The following COL25A1 variants were observed in gnomAD, a reference collection of about 807,000 sequenced individuals.
COL25A1 encodes collagen alpha-1(XXV) chain.
COL25A1 carries 103 observed loss-of-function variants against 128.4 expected under a neutral mutation model. The ratio of observed to expected loss-of-function variants is 0.80; its 90% confidence interval spans 0.68 to 0.94. The LOEUF is 0.94. COL25A1 is among the 40% of genes least tolerant of loss of function. COL25A1 has a pLI of 0.00. For missense variants in COL25A1, 745 were observed against 840.0 expected (o/e 0.89, Z 1.40); for synonymous variants, 279 against 277.2 (o/e 1.01, Z -0.06).
chr4:108,917,778 T>C (rs1023645193), intron 13 of COL25A1, among the ~76,000 whole-genome samples: 2 of 152,212 alleles, frequency 1.3e-5, no homozygotes, highest in Non-Finnish European at 2.9e-5. Context: ...TCTATGAGAA[T>C]AACTTTTGTT....
intron 8 of COL25A1, among the ~76,000 whole-genome samples, chr4:108,968,479 T>TC (rs1751564434): frequency 7.4e-6 from 1 of 135,724 alleles, no homozygotes; most frequent in Admixed American, 7.1e-5. Flanking sequence ...TATTGGCCAC[T>TC]CTTTTTTTTT....
chr4:109,132,539 A>C (rs1406611849), intron 3 of COL25A1, among the ~76,000 whole-genome samples: 1 of 152,192 alleles, frequency 6.6e-6, no homozygotes, highest in Non-Finnish European at 1.5e-5. Flanking sequence ...ACCACATTTT[A>C]AATGGATTCT....
chr4:109,195,938 T>G (rs78666449), intron 3 of COL25A1, among the ~76,000 whole-genome samples: 1 of 152,200 alleles, frequency 6.6e-6, no homozygotes, highest in African/African-American at 2.4e-5. Context: ...GCTCCCAGTA[T>G]AGGGACTTCC....
chr4:108,878,450 T>C (rs1739715799), intron 19 of COL25A1, among the ~76,000 whole-genome samples: 1 of 152,178 alleles, frequency 6.6e-6, no homozygotes, highest in Non-Finnish European at 1.5e-5. Context: ...ATAATATTCC[T>C]CTTGCTTAAA....
At position 108,822,043 on chromosome 4, in the gene COL25A1, A is replaced by ATTTTTTTTTTT. The variant is rs10567518; in HGVS notation, c.1845+2120_1845+2130dup. Among the ~76,000 whole-genome samples the ATTTTTTTTTTT allele has an allele frequency of 0.011, 1,009 of 89,726 alleles. 100 individuals are homozygous for ATTTTTTTTTTT. Among genetic ancestry groups the ATTTTTTTTTTT allele is most frequent in the African/African-American group, 0.037 (864 of 23,558 alleles). The allele number at this position is 89,726 out of a possible 152,430, so 58.9% of individuals were successfully genotyped here. A position where few individuals can be genotyped will look rare whatever the true frequency, so the allele number is the denominator to read the frequency against. Reference sequence around the variant, plus strand: ...AAACGTGAGTATCCTCCTAATGGTAATTTTTTTTTTTTTTTTTGGGACAGG... The same window carrying ATTTTTTTTTTT: ...AAACGTGAGTATCCTCCTAATGGTAATTTTTTTTTTTTTTTTTTTTTTTTTTTTGGGACAGG... On this transcript the variant is annotated intron_variant, in intron 35 of 37. Coordinates refer to ENST00000399132, the MANE Select transcript of COL25A1 (RefSeq NM_198721.4).
At chr4:109,124,958 T>G (rs756942195) in intron 3 of COL25A1, among the ~76,000 whole-genome samples, 1 of 152,066 alleles carries the variant, frequency 6.6e-6, no homozygotes, top group Non-Finnish European at 1.5e-5. Context: ...AAGCTTGAAA[T>G]AATCTATTTG....
intron 5 of COL25A1, among the ~76,000 whole-genome samples, chr4:109,012,024 TTC>T (rs1473292733): frequency 3.3e-5 from 5 of 152,248 alleles, no homozygotes; most frequent in Admixed American, 3.3e-4. Context: ...TTTTTGTTTG[TTC>T]ATTTGTTATA....
At position 108,849,840 on chromosome 4, in the gene COL25A1, T is replaced by C. The variant is rs897277876; in HGVS notation, c.1390-1037A>G. The stretch of plus-strand genomic sequence containing the variant: ...TTGAAATGGTTAGAGCTCCTTTCCC[T>C]GGTAAAAACTTTAAGAGCTATGAGG... On this transcript the variant is annotated intron_variant, in intron 26 of 37. Transcript: ENST00000399132. 3.9e-5 allele frequency among the ~76,000 whole-genome samples: 6 copies of C among 152,172 alleles called. 1 individual carries two copies. In the East Asian group the frequency reaches 1.2e-3, roughly 29 times the overall value.
chr4:109,036,431 C>A (rs1040826953), intron 5 of COL25A1, among the ~76,000 whole-genome samples: 8 of 152,058 alleles, frequency 5.3e-5, no homozygotes, highest in African/African-American at 1.7e-4. Flanking sequence ...ATATAATGTA[C>A]AAAGTAAGTT....
At chr4:108,992,648 G>A (rs1025151) in intron 6 of COL25A1, among the ~76,000 whole-genome samples, 120,971 of 151,970 alleles carry the variant, frequency 0.8, 49,305 homozygotes, top group East Asian at 1. Flanking sequence ...AAATATCAAT[G>A]TAAATAAACT....
chr4:108,999,516 T>C (rs186721505), intron 6 of COL25A1, among the ~76,000 whole-genome samples: 290 of 152,336 alleles, frequency 1.9e-3, no homozygotes, highest in African/African-American at 6.2e-3. Context: ...ACACTGTTGG[T>C]TGGACTGTAA....
chr4:109,176,464 T>TGA lies in COL25A1; in HGVS notation c.367+124117_367+124118dup, dbSNP rs1245750587. ...AGGATCCAGGGAGAACACTGATAATTGATTATTCTCCCAAAAACTAGAAAG... is the reference window on the plus strand; with the variant it reads ...AGGATCCAGGGAGAACACTGATAATTGAGATTATTCTCCCAAAAACTAGAAAG... On this transcript the variant is annotated intron_variant, in intron 3 of 37. Coordinates refer to ENST00000399132, the MANE Select transcript of COL25A1 (RefSeq NM_198721.4). Among the ~76,000 whole-genome samples, 9 of 152,216 alleles carry TGA rather than the reference T, an allele frequency of 5.9e-5. No homozygotes were observed. In the East Asian group the frequency reaches 1.4e-3, roughly 23 times the overall value.
At position 108,823,744 on chromosome 4, in the gene COL25A1, C is replaced by T. The variant is rs576082976; in HGVS notation, c.1845+430G>A. The T allele has an allele frequency of 1.1e-3, 297 of 276,690 alleles. 1 individual carries two copies. The South Asian group carries it at 0.012, about 11-fold the overall frequency. 17.1% of individuals were successfully genotyped at this position (276,690 alleles called of 1,614,324 possible). On this transcript the variant is annotated intron_variant, in intron 35 of 37. Transcript: ENST00000399132. ...TCCATTTTCATATAAAAAATATCAA[C>T]GTACAAAACATATCTCCATTTCTCT...
chr4:109,217,657 C>T (rs1171105488), intron 3 of COL25A1, among the ~76,000 whole-genome samples: 1 of 152,046 alleles, frequency 6.6e-6, no homozygotes, highest in African/African-American at 2.4e-5. Context: ...CCACAACCTC[C>T]CGAGGATACC....
At chr4:108,926,917 A>G (rs1746127883) in intron 11 of COL25A1, among the ~76,000 whole-genome samples, 1 of 152,048 alleles carries the variant, frequency 6.6e-6, no homozygotes, top group African/African-American at 2.4e-5. Context: ...AAATGTTTAG[A>G]ATATAAGAGA....
chr4:108,957,634 A>C (rs1750220575), intron 8 of COL25A1, among the ~76,000 whole-genome samples: 1 of 152,244 alleles, frequency 6.6e-6, no homozygotes, highest in Admixed American at 6.5e-5. Flanking sequence ...CTATGATTAG[A>C]ATAGTCTGCT....
chr4:109,284,609 T>C (rs1183479602), intron 3 of COL25A1, among the ~76,000 whole-genome samples: 3 of 152,200 alleles, frequency 2.0e-5, no homozygotes. Flanking sequence ...GGCTCTGTGC[T>C]GAACTTTCTC....
At chr4:109,271,909 C>G (rs1200370091) in intron 3 of COL25A1, among the ~76,000 whole-genome samples, 5 of 152,116 alleles carry the variant, frequency 3.3e-5, no homozygotes, top group Non-Finnish European at 7.3e-5. Flanking sequence ...TCTCATTCAA[C>G]TTGTTATAAA....
At chr4:109,265,395 C>T (rs937055810) in intron 3 of COL25A1, among the ~76,000 whole-genome samples, 1 of 152,108 alleles carries the variant, frequency 6.6e-6, no homozygotes, top group African/African-American at 2.4e-5. Context: ...ACTATGCTTT[C>T]TCTTTAGTAT....
Sources: allele counts gnomAD v4.1 joint callset (sites outside exome capture counted in the v4.1 genomes callset), GRCh38; gene constraint gnomAD v4.1.1; transcripts MANE v1.5; gene names NCBI Gene and HGNC (gene_info 2026-07-23, HGNC 2026-07-21).